CCDC91: variants seen among roughly 807,000 people sequenced by gnomAD.
CCDC91 encodes the protein coiled-coil domain containing 91, also known as coiled-coil domain-containing protein 91.
Under a neutral mutation model 63.2 loss-of-function variants are expected in CCDC91, and 48 were observed. The ratio of observed to expected loss-of-function variants is 0.76; its 90% confidence interval spans 0.60 to 0.97. The LOEUF is 0.97. CCDC91 is among the 50% of genes least tolerant of loss of function. The pLI is 0.00. For synonymous variants in CCDC91, 167 were observed against 165.8 expected, an observed-to-expected ratio of 1.01 and a Z score of -0.06; for missense variants, 500 against 494.6, an observed-to-expected ratio of 1.01 and a Z score of -0.10.
chr12:28,393,054 A>G (rs1327920430), intron 8 of CCDC91, among the ~76,000 whole-genome samples: 1 of 152,128 alleles, frequency 6.6e-6, no homozygotes, highest in Admixed American at 6.5e-5. Context: ...ACGAGTAGGG[A>G]TTGCTCTTTC....
At chr12:28,459,452 A>C (rs1054114541) in intron 11 of CCDC91, among the ~76,000 whole-genome samples, 1 of 152,172 alleles carries the variant, frequency 6.6e-6, no homozygotes, top group Non-Finnish European at 1.5e-5. Context: ...TGGGTCTCCA[A>C]CAACACAATT....
At chr12:28,443,179 G>C (rs1031070715) in intron 8 of CCDC91, among the ~76,000 whole-genome samples, 2 of 149,960 alleles carry the variant, frequency 1.3e-5, no homozygotes, top group Non-Finnish European at 3.0e-5. Flanking sequence ...TTATGATCTA[G>C]GTCTCTAATT....
At chr12:28,394,269 A>T (rs1380624151) in intron 8 of CCDC91, among the ~76,000 whole-genome samples, 1 of 152,170 alleles carries the variant, frequency 6.6e-6, no homozygotes, top group African/African-American at 2.4e-5. Flanking sequence ...GATTGAGACC[A>T]TCCTGGCTAA....
chr12:28,334,170 C>T (rs1239872181), intron 6 of CCDC91, among the ~76,000 whole-genome samples: 6 of 151,796 alleles, frequency 4.0e-5, no homozygotes, highest in Non-Finnish European at 8.8e-5. Context: ...GAATGTGAGG[C>T]GCTATATGTG....
intron 8 of CCDC91, among the ~76,000 whole-genome samples, chr12:28,432,683 C>T (rs1421462763): frequency 6.6e-6 from 1 of 152,066 alleles, no homozygotes; most frequent in Non-Finnish European, 1.5e-5. Flanking sequence ...ATGTAAACAT[C>T]CATGTGCATG....
chr12:28,441,085 G>GAAAAGAAAAAGAAAAGA (rs60726909), intron 8 of CCDC91, among the ~76,000 whole-genome samples: 1 of 55,498 alleles, frequency 1.8e-5, no homozygotes. Context: ...AAAAAAAAAA[G>GAAAAGAAAAAGAAAAGA]AAAAGAAAAA....
chr12:28,277,405 C>G (rs2136498528), intron 3 of CCDC91, among the ~76,000 whole-genome samples: 1 of 152,044 alleles, frequency 6.6e-6, no homozygotes. Flanking sequence ...AGTTATTTAA[C>G]TTTTAGCAAA....
intron 7 of CCDC91, among the ~76,000 whole-genome samples, chr12:28,383,092 G>T (rs1353546030): frequency 1.3e-5 from 2 of 152,074 alleles, no homozygotes; most frequent in South Asian, 2.1e-4. Context: ...GACTTTTGTG[G>T]TGTTTGAGGT....
At position 28,484,154 on chromosome 12, in the gene CCDC91, G is replaced by A. The variant is rs755561287; in HGVS notation, c.1204G>A (p.Glu402Lys). The A allele has an allele frequency of 6.3e-7, 1 of 1,593,134 alleles. No individual in the cohort carries two copies. The highest frequency in any genetic ancestry group is 8.6e-7 in the Non-Finnish European group (1 of 1,165,812). The part of the protein sequence containing the change: ...TRDELIEYIK[E>K]QKRLDQVIRQ... ...AGATGAATTGATAGAGTATATAAAA[G>A]AACAGAAAAGGGTAAGTATCTCCTG... The change falls in exon 12 of 13, where the codon GAA becomes AAA. Residue 402 changes from glutamate (E) to lysine (K), a missense_variant. Coordinates refer to ENST00000536442, the MANE Select transcript of CCDC91 (RefSeq NM_018318.5).
intron 12 of CCDC91, among the ~76,000 whole-genome samples, chr12:28,543,442 G>T (rs192464536): frequency 6.6e-6 from 1 of 151,900 alleles, no homozygotes; most frequent in Non-Finnish European, 1.5e-5. Context: ...GCTTGAAGCC[G>T]TGGTTTTTAG....
At chr12:28,367,703 G>T (rs988965809) in intron 7 of CCDC91, among the ~76,000 whole-genome samples, 2 of 152,000 alleles carry the variant, frequency 1.3e-5, no homozygotes, top group African/African-American at 2.4e-5. Context: ...CACTATAATG[G>T]TTAATTTATG....
intron 1 of CCDC91, among the ~76,000 whole-genome samples, chr12:28,200,919 C>A (rs992792789): frequency 1.3e-5 from 2 of 150,684 alleles, no homozygotes; most frequent in African/African-American, 4.9e-5. Flanking sequence ...CCCGCCACCT[C>A]CCTTCCGGAC....
intron 12 of CCDC91, among the ~76,000 whole-genome samples, chr12:28,520,082 A>G (rs758434889): frequency 6.6e-5 from 10 of 152,150 alleles, no homozygotes; most frequent in African/African-American, 7.2e-5. Context: ...CTTTGGGTAT[A>G]TGCCCAGTAA....
intron 1 of CCDC91, among the ~76,000 whole-genome samples, chr12:28,206,327 AG>A (rs1942849578): frequency 6.6e-6 from 1 of 152,216 alleles, no homozygotes; most frequent in Non-Finnish European, 1.5e-5. Context: ...TTGGGTTTCC[AG>A]TCTCAGCATG....
At chr12:28,207,282 A>G (rs1942925844) in intron 1 of CCDC91, among the ~76,000 whole-genome samples, 1 of 152,120 alleles carries the variant, frequency 6.6e-6, no homozygotes, top group Non-Finnish European at 1.5e-5. Flanking sequence ...GCTTTACCTT[A>G]AGGATTTCAA....
At chr12:28,404,700 T>G (rs1388877494) in intron 8 of CCDC91, among the ~76,000 whole-genome samples, 1 of 152,108 alleles carries the variant, frequency 6.6e-6, no homozygotes. Flanking sequence ...ATACTAAGTA[T>G]TGCCATGTTT....
chr12:28,228,259 C>T (rs11049471), intron 1 of CCDC91, among the ~76,000 whole-genome samples: 39,644 of 151,938 alleles, frequency 0.26, 5,436 homozygotes, highest in Non-Finnish European at 0.31. Flanking sequence ...AACAGGAAAA[C>T]TGGCTTTTAC....
At chr12:28,442,602 C>T (rs1461802368) in intron 8 of CCDC91, among the ~76,000 whole-genome samples, 3 of 151,984 alleles carry the variant, frequency 2.0e-5, no homozygotes, top group Non-Finnish European at 2.9e-5. Context: ...ATACTTTCAA[C>T]TTTTTGGTTT....
chr12:28,320,536 C>T (rs1268583333), intron 6 of CCDC91, among the ~76,000 whole-genome samples: 1 of 151,764 alleles, frequency 6.6e-6, no homozygotes, highest in Non-Finnish European at 1.5e-5. Flanking sequence ...TACTGTATTT[C>T]CCACTTATCT....
Sources: allele counts gnomAD v4.1 joint callset (sites outside exome capture counted in the v4.1 genomes callset), GRCh38; gene constraint gnomAD v4.1.1; transcripts MANE v1.5; gene names NCBI Gene and HGNC (gene_info 2026-07-23, HGNC 2026-07-21).